The following RGS7 variants were observed in gnomAD, a reference collection of about 807,000 sequenced individuals.
The protein encoded by RGS7 is regulator of G protein signaling 7.
A neutral mutation model predicts 81.1 loss-of-function variants in RGS7; 27 were observed. The ratio of observed to expected loss-of-function variants is 0.33; its 90% CI spans 0.25 to 0.46. The LOEUF is 0.46. Ranked by LOEUF, RGS7 falls within the 20% of genes least tolerant of loss-of-function variation. RGS7 has a pLI of 1.00. For synonymous variants in RGS7, 208 were observed against 207.7 expected, an observed-to-expected ratio of 1.00 and a Z score of -0.01; for missense variants, 396 against 607.4, an observed-to-expected ratio of 0.65 and a Z score of 3.66.
chr1:241,256,395 C>T (rs1046978645), intron 2 of RGS7, among the ~76,000 whole-genome samples: 6 of 152,290 alleles, frequency 3.9e-5, no homozygotes, highest in African/African-American at 1.4e-4. Flanking sequence ...AAAGTACCAA[C>T]CAGCTGATAT....
At chr1:241,135,602 A>T (rs1038686188) in intron 2 of RGS7, among the ~76,000 whole-genome samples, 1 of 152,032 alleles carries the variant, frequency 6.6e-6, no homozygotes, top group South Asian at 2.1e-4. Context: ...TTACCTAGGG[A>T]GAAAGGATAC....
chr1:241,125,156 T>C (rs545826854), intron 2 of RGS7, among the ~76,000 whole-genome samples: 13 of 152,228 alleles, frequency 8.5e-5, no homozygotes, highest in East Asian at 5.8e-4. Flanking sequence ...CAACTGGAGA[T>C]TTGTGGTCAT....
intron 3 of RGS7, among the ~76,000 whole-genome samples, chr1:241,030,035 G>C (rs775161972): frequency 6.6e-6 from 1 of 152,050 alleles, no homozygotes; most frequent in African/African-American, 2.4e-5. Flanking sequence ...TATAGCTTCC[G>C]TGTTTGCTCA....
chr1:240,984,148 T>A (rs1187958829), intron 3 of RGS7, among the ~76,000 whole-genome samples: 1 of 152,214 alleles, frequency 6.6e-6, no homozygotes, highest in Non-Finnish European at 1.5e-5. Context: ...ATTCAGCAGG[T>A]CTTGAATTCT....
At chr1:241,199,044 T>C (rs984871919) in intron 2 of RGS7, among the ~76,000 whole-genome samples, 1 of 152,098 alleles carries the variant, frequency 6.6e-6, no homozygotes, top group Non-Finnish European at 1.5e-5. Context: ...AATCAGTTAA[T>C]GTAATTCACC....
Position 240,827,091 on chromosome 1 carries a change from G to GT in RGS7, c.684+6dup. ...ACCAAGATCAGCACAACAAATGACAGTTTTACCTTCCGTGTTTTGTGGGGG... is the reference window on the plus strand; with the variant it reads ...ACCAAGATCAGCACAACAAATGACAGTTTTTACCTTCCGTGTTTTGTGGGGG... On this transcript the variant is annotated splice_region_variant and intron_variant, in intron 10 of 18. Transcript: ENST00000440928. The GT allele has an allele frequency of 6.2e-7, 1 of 1,609,974 alleles. No individual in the cohort carries two copies. Among genetic ancestry groups the GT allele is most frequent in the Non-Finnish European group, 8.5e-7 (1 of 1,176,214 alleles).
chr1:241,195,545 C>T (rs966121275), intron 2 of RGS7, among the ~76,000 whole-genome samples: 1 of 151,988 alleles, frequency 6.6e-6, no homozygotes, highest in African/African-American at 2.4e-5. Context: ...CCAGACAGTG[C>T]AAAATTATCC....
At chr1:241,337,460 C>A (rs1168609270) in intron 2 of RGS7, among the ~76,000 whole-genome samples, 1 of 152,090 alleles carries the variant, frequency 6.6e-6, no homozygotes, top group Non-Finnish European at 1.5e-5. Flanking sequence ...CTGGTTCCTG[C>A]ACAATTTTTC....
intron 2 of RGS7, 119 bp downstream of exon 2, chr1:241,355,580 A>G (rs2083510817): frequency 2.3e-6 from 2 of 865,712 alleles, no homozygotes; most frequent in South Asian, 1.3e-5. Flanking sequence ...GTACATAATC[A>G]CTGATGATCT....
chr1:241,234,146 A>G (rs1049914041), intron 2 of RGS7, among the ~76,000 whole-genome samples: 1 of 152,194 alleles, frequency 6.6e-6, no homozygotes, highest in Admixed American at 6.5e-5. Context: ...TGGGGAACGC[A>G]TGTGTGCATG....
At chr1:240,826,798 A>T (rs2147790477) in intron 10 of RGS7, among the ~76,000 whole-genome samples, 1 of 148,168 alleles carries the variant, frequency 6.7e-6, no homozygotes, top group South Asian at 2.1e-4. Context: ...TATCTTTTAG[A>T]TGTCCCCCTT....
intron 3 of RGS7, 60 bp downstream of exon 3, chr1:241,098,606 T>C (rs1467188280): frequency 4.4e-6 from 5 of 1,124,942 alleles, no homozygotes; most frequent in Non-Finnish European, 6.8e-6. Context: ...CTGGAATCAG[T>C]TTTAAAGAGT....
intron 18 of RGS7, among the ~76,000 whole-genome samples, chr1:240,792,113 A>C (rs1035026839): frequency 5.9e-5 from 9 of 152,226 alleles, no homozygotes; most frequent in African/African-American, 1.9e-4. Context: ...AAATATCACC[A>C]AATAAAATAA....
At chr1:241,032,991 G>A (rs1413683854) in intron 3 of RGS7, among the ~76,000 whole-genome samples, 1 of 151,694 alleles carries the variant, frequency 6.6e-6, no homozygotes, top group African/African-American at 2.4e-5. Context: ...TTGACTGACT[G>A]CTCTGGCTAG....
chr1:240,906,463 G>A (rs1434613574), intron 6 of RGS7, among the ~76,000 whole-genome samples: 2 of 152,136 alleles, frequency 1.3e-5, no homozygotes, highest in Non-Finnish European at 2.9e-5. Flanking sequence ...GGGATTCTAG[G>A]TCCTCCGTAT....
At chr1:240,860,644 G>A (rs937491118) in intron 9 of RGS7, among the ~76,000 whole-genome samples, 1 of 152,078 alleles carries the variant, frequency 6.6e-6, no homozygotes, top group African/African-American at 2.4e-5. Flanking sequence ...AAGAAAAATA[G>A]ATACGTAGGG....
intron 10 of RGS7, among the ~76,000 whole-genome samples, chr1:240,825,070 C>T (rs570082963): frequency 1.3e-4 from 20 of 152,242 alleles, no homozygotes; most frequent in African/African-American, 4.6e-4. Context: ...TTTGTTAAGG[C>T]GGCCCCGGCA....
Position 241,318,397 on chromosome 1 carries a change from T to C in RGS7, c.78+37302A>G, listed in dbSNP as rs578038344. Among the ~76,000 whole-genome samples, 19 of 152,282 alleles carry C rather than the reference T, an allele frequency of 1.2e-4. No individual in the cohort carries two copies. In the East Asian group the frequency reaches 2.9e-3, roughly 23 times the overall value. Reference sequence around the variant, plus strand: ...TTTGACATCATTTTAAAGTATTCTATGTGCATATATGCCCTTGCCAGCATC... The same window carrying C: ...TTTGACATCATTTTAAAGTATTCTACGTGCATATATGCCCTTGCCAGCATC... On this transcript the variant is annotated intron_variant, in intron 2 of 18. Transcript: ENST00000440928.
At chr1:240,839,110 C>T (rs1419552247) in intron 9 of RGS7, among the ~76,000 whole-genome samples, 1 of 152,150 alleles carries the variant, frequency 6.6e-6, no homozygotes, top group East Asian at 1.9e-4. Context: ...GCTAGATGAT[C>T]CCAACTCCTA....
Sources: allele counts gnomAD v4.1 joint callset (sites outside exome capture counted in the v4.1 genomes callset), GRCh38; gene constraint gnomAD v4.1.1; transcripts MANE v1.5; gene names NCBI Gene and HGNC (gene_info 2026-07-23, HGNC 2026-07-21).